NDE1: variants seen among roughly 807,000 people sequenced by gnomAD.
NDE1 encodes nudE neurodevelopment protein 1.
NDE1 carries 28 observed loss-of-function variants against 43.4 expected under a neutral mutation model. The ratio of observed to expected loss-of-function variants is 0.65; its 90% CI spans 0.48 to 0.89. The LOEUF (loss-of-function observed/expected upper bound fraction) is 0.89, where lower values mean the gene tolerates loss of function less well. Among genes scored for constraint, NDE1 ranks in the 40% least tolerant of loss-of-function variants. The pLI, the probability that NDE1 is intolerant of heterozygous loss-of-function variation, is 0.00. For missense variants in NDE1, 441 were observed against 434.1 expected (o/e 1.02, Z -0.14); for synonymous variants, 184 against 172.0 (o/e 1.07, Z -0.55).
intron 1 of NDE1, among the ~76,000 whole-genome samples, chr16:15,661,036 A>G (rs2151424312): frequency 6.6e-6 from 1 of 152,206 alleles, no homozygotes; most frequent in Non-Finnish European, 1.5e-5. Context: ...CCCAATTTCA[A>G]CCCTGAGTTT....
chr16:15,677,579 C>T (rs1338224700), intron 3 of NDE1, among the ~76,000 whole-genome samples: 2 of 150,124 alleles, frequency 1.3e-5, no homozygotes, highest in East Asian at 2.0e-4. Flanking sequence ...GAGTGAGACT[C>T]GGCCTCAAAA....
chr16:15,699,216 G>T (rs1301465080), intron 8 of NDE1, among the ~76,000 whole-genome samples: 1 of 150,784 alleles, frequency 6.6e-6, no homozygotes, highest in Non-Finnish European at 1.5e-5. Flanking sequence ...TTCCCACCTT[G>T]ACCTCCCAAG....
intron 2 of NDE1, among the ~76,000 whole-genome samples, chr16:15,665,636 G>C (rs745773754): frequency 6.6e-5 from 10 of 151,600 alleles, no homozygotes; most frequent in Non-Finnish European, 8.8e-5. Context: ...GCAGAGACGG[G>C]GTTTTGCCAT....
chr16:15,724,922 A>G lies in NDE1; in HGVS notation c.*671A>G. 1 of 1,614,150 alleles carries G rather than the reference A, an allele frequency of 6.2e-7. No homozygotes were observed. The highest frequency in any genetic ancestry group is 2.2e-5 in the East Asian group (1 of 44,874). On this transcript the variant is annotated 3_prime_UTR_variant, in exon 9 of 9. Transcript: ENST00000396354. Reference sequence around the variant, plus strand: ...CTGGAGCTGGGAACTGAGGGACGCCACGTCCTTGGCCAGCTTAATGGCCTT... The same window carrying G: ...CTGGAGCTGGGAACTGAGGGACGCCGCGTCCTTGGCCAGCTTAATGGCCTT...
chr16:15,690,353 C>CT (rs869069843), intron 5 of NDE1, among the ~76,000 whole-genome samples: 15,466 of 81,266 alleles, frequency 0.19, 2,033 homozygotes, highest in Non-Finnish European at 0.24. Flanking sequence ...TTTTTTTTTT[C>CT]TTTTTTTTTT....
At chr16:15,718,220 A>G in intron 8 of NDE1, 2 of 1,590,060 alleles carry the variant, frequency 1.3e-6, no homozygotes, top group African/African-American at 1.3e-5. Flanking sequence ...CAGGGCCTGC[A>G]CACAGGAAGC....
intron 4 of NDE1, among the ~76,000 whole-genome samples, chr16:15,685,299 G>A (rs1189894255): frequency 2.0e-5 from 3 of 152,102 alleles, no homozygotes; most frequent in Non-Finnish European, 2.9e-5. Context: ...TTGTTACCCA[G>A]GCTGGAGTGC....
intron 8 of NDE1, chr16:15,703,774 G>A (rs2039307375): frequency 4.8e-6 from 3 of 630,734 alleles, no homozygotes; most frequent in South Asian, 3.3e-5. Context: ...TTCTTGTATA[G>A]ATGAGGTTTT....
intron 2 of NDE1, 85 bp downstream of exon 2, chr16:15,664,946 T>C (rs2037228136): frequency 1.9e-6 from 2 of 1,077,216 alleles, no homozygotes; most frequent in Non-Finnish European, 1.4e-6. Context: ...GTGCGGTGGC[T>C]GTTCCTAGGC....
At chr16:15,710,360 A>G (rs550185840) in intron 8 of NDE1, among the ~76,000 whole-genome samples, 1 of 152,220 alleles carries the variant, frequency 6.6e-6, no homozygotes, top group South Asian at 2.1e-4. Flanking sequence ...GCCACTACTA[A>G]AAATACAAAA....
chr16:15,703,977 C>T (rs2039317760), intron 8 of NDE1: 1 of 1,613,760 alleles, frequency 6.2e-7, no homozygotes, highest in African/African-American at 1.3e-5. Context: ...TGGTGCAAAA[C>T]TGTAGAAAGT....
intron 4 of NDE1, among the ~76,000 whole-genome samples, chr16:15,684,959 C>T (rs978870765): frequency 6.6e-6 from 1 of 152,212 alleles, no homozygotes; most frequent in Non-Finnish European, 1.5e-5. Flanking sequence ...TTCCTCTGAT[C>T]ATTCTTGTTT....
At chr16:15,695,152 C>T (rs1259630814) in intron 7 of NDE1, among the ~76,000 whole-genome samples, 1 of 150,232 alleles carries the variant, frequency 6.7e-6, no homozygotes, top group African/African-American at 2.5e-5. Context: ...ACACTGCACT[C>T]CATCCTGGGT....
intron 1 of NDE1, among the ~76,000 whole-genome samples, chr16:15,655,233 G>T (rs1381664807): frequency 6.6e-6 from 1 of 152,050 alleles, no homozygotes; most frequent in African/African-American, 2.4e-5. Context: ...GCCCAGGCTG[G>T]TCTTGAACCC....
At chr16:15,699,766 C>T (rs1409994146) in intron 8 of NDE1, 6 of 1,351,502 alleles carry the variant, frequency 4.4e-6, no homozygotes, top group Non-Finnish European at 5.9e-6. Flanking sequence ...GCCGCCTTCA[C>T]ACATGTCTTC....
In NDE1 at chr16:15,715,022, C is replaced by T. The variant is rs2151192125; in HGVS notation, c.948-9169C>T. The stretch of plus-strand genomic sequence containing the variant: ...GGTTGGCGTTGATGCGCTGGGACTC[C>T]TCCTCTGCCTCCTCCAGCTGCCTCT... On this transcript the variant is annotated intron_variant, in intron 8 of 8. Transcript: ENST00000396354. 6.2e-7 allele frequency: 1 copy of T among 1,613,904 alleles called. No homozygotes were observed. The highest frequency in any genetic ancestry group is 1.3e-5 in the African/African-American group (1 of 75,042).
rs562100763 is a variant in NDE1, at chr16:15,676,194, CCTT to C, written c.238-1603_238-1601del. Among the ~76,000 whole-genome samples, 523 of 149,426 alleles carry C rather than the reference CCTT, an allele frequency of 3.5e-3. 2 individuals carry two copies. The highest frequency in any genetic ancestry group is 6.1e-3 in the Non-Finnish European group (415 of 67,492). On this transcript the variant is annotated intron_variant, in intron 3 of 8. Coordinates refer to ENST00000396354, the MANE Select transcript of NDE1 (RefSeq NM_017668.3). ...CATTTTATCCCCTCCTTTTCTCCCT[CCTT>C]CTTTTTCTTTCTTTCTTTGTTTTTC...
At chr16:15,682,442 C>T (rs1048121114) in intron 4 of NDE1, among the ~76,000 whole-genome samples, 1 of 152,198 alleles carries the variant, frequency 6.6e-6, no homozygotes, top group African/African-American at 2.4e-5. Context: ...TGACAGTCTT[C>T]TCCAAGAACA....
chr16:15,695,572 A>C (rs2038972689), intron 7 of NDE1: 2 of 984,446 alleles, frequency 2.0e-6, no homozygotes, highest in East Asian at 2.3e-4. Flanking sequence ...AATTACAGGG[A>C]GGGATCCTTT....
Sources: gnomAD v4.1 joint callset for allele counts (sites outside exome capture counted in the v4.1 genomes callset) on GRCh38, gnomAD v4.1.1 for gene constraint, MANE v1.5 for transcripts, NCBI Gene and HGNC (gene_info 2026-07-23, HGNC 2026-07-21) for gene names.